The following TSHZ2 variants were observed in gnomAD, a reference collection of about 807,000 sequenced individuals.
TSHZ2 encodes the protein teashirt homolog 2.
Under a neutral mutation model 74.4 loss-of-function variants are expected in TSHZ2, and 21 were observed. The observed-to-expected ratio is 0.28, with a 90% confidence interval of 0.20 to 0.41. The LOEUF is 0.41. Among genes scored for constraint, TSHZ2 ranks in the 10% least tolerant of loss-of-function variants. The pLI is 1.00. For missense variants in TSHZ2, 1,244 were observed against 1,293.5 expected, an observed-to-expected ratio of 0.96 and a Z score of 0.59; for synonymous variants, 540 against 515.3, an observed-to-expected ratio of 1.05 and a Z score of -0.65.
chr20:53,379,259 G>A (rs1277777435), intron 2 of TSHZ2, among the ~76,000 whole-genome samples: 1 of 152,208 alleles, frequency 6.6e-6, no homozygotes, highest in East Asian at 1.9e-4. Context: ...TCACGCGCCT[G>A]TAGTCCTAGC....
chr20:53,096,287 G>A (rs755921051), intron 1 of TSHZ2, among the ~76,000 whole-genome samples: 5 of 152,042 alleles, frequency 3.3e-5, no homozygotes, highest in African/African-American at 7.2e-5. Flanking sequence ...GACTACAGGC[G>A]TGCACCACCA....
At chr20:53,334,607 A>G (rs756534159) in intron 2 of TSHZ2, among the ~76,000 whole-genome samples, 7 of 152,190 alleles carry the variant, frequency 4.6e-5, no homozygotes, top group Admixed American at 6.5e-5. Context: ...GGGGCCTTGT[A>G]GAGATAGTAT....
At chr20:53,290,122 C>T (rs1439142145) in intron 2 of TSHZ2, among the ~76,000 whole-genome samples, 1 of 152,086 alleles carries the variant, frequency 6.6e-6, no homozygotes, top group Admixed American at 6.5e-5. Context: ...TGGCGTTCCA[C>T]CTTCCTATGT....
intron 1 of TSHZ2, among the ~76,000 whole-genome samples, chr20:53,101,899 T>C (rs2123294681): frequency 6.6e-6 from 1 of 152,294 alleles, no homozygotes. Context: ...TTTGAAGTTA[T>C]CACATTTTAT....
At chr20:53,389,032 G>A (rs1211391832) in intron 2 of TSHZ2, among the ~76,000 whole-genome samples, 2 of 152,160 alleles carry the variant, frequency 1.3e-5, no homozygotes, top group Admixed American at 6.5e-5. Flanking sequence ...AGATTACAGA[G>A]GTTCAATATT....
chr20:53,333,751 C>T (rs545949427), intron 2 of TSHZ2, among the ~76,000 whole-genome samples: 9 of 152,300 alleles, frequency 5.9e-5, no homozygotes, highest in East Asian at 3.9e-4. Flanking sequence ...CCACTGCGCC[C>T]GGCCTGCCAA....
intron 1 of TSHZ2, among the ~76,000 whole-genome samples, chr20:53,107,565 C>G (rs778529040): frequency 6.6e-6 from 1 of 152,184 alleles, no homozygotes; most frequent in African/African-American, 2.4e-5. Context: ...GAGCCAAAAT[C>G]AGGACATGGT....
chr20:53,102,941 A>G (rs1986260814), intron 1 of TSHZ2, among the ~76,000 whole-genome samples: 1 of 151,996 alleles, frequency 6.6e-6, no homozygotes, highest in African/African-American at 2.4e-5. Context: ...ACATATGTAT[A>G]CATGTGCCAT....
chr20:53,224,740 C>T (rs970338154), intron 1 of TSHZ2, among the ~76,000 whole-genome samples: 2 of 151,622 alleles, frequency 1.3e-5, no homozygotes, highest in Non-Finnish European at 2.9e-5. Context: ...ATCCCAGCTA[C>T]TCAGGAGGCT....
At chr20:53,148,695 TGAA>T (rs1202585051) in intron 1 of TSHZ2, among the ~76,000 whole-genome samples, 1 of 152,092 alleles carries the variant, frequency 6.6e-6, no homozygotes, top group African/African-American at 2.4e-5. Context: ...ATAAAGAAAA[TGAA>T]GACATCTCCC....
chr20:53,020,236 C>T (rs559852595), intron 1 of TSHZ2, among the ~76,000 whole-genome samples: 1 of 152,310 alleles, frequency 6.6e-6, no homozygotes, highest in East Asian at 1.9e-4. Context: ...CACTTCGTCA[C>T]CATCGGTCCT....
chr20:53,281,482 C>T (rs907709367), intron 2 of TSHZ2, among the ~76,000 whole-genome samples: 3 of 152,166 alleles, frequency 2.0e-5, no homozygotes, highest in African/African-American at 7.2e-5. Flanking sequence ...CATTGTATCA[C>T]AAAAGCAGCC....
chr20:53,023,070 C>T (rs1600650905), intron 1 of TSHZ2, among the ~76,000 whole-genome samples: 2 of 152,206 alleles, frequency 1.3e-5, no homozygotes, highest in African/African-American at 2.4e-5. Context: ...TTCTTATCAC[C>T]TGGGAATGTT....
intron 1 of TSHZ2, among the ~76,000 whole-genome samples, chr20:53,107,664 A>T (rs1164193984): frequency 6.6e-6 from 1 of 152,184 alleles, no homozygotes; most frequent in Non-Finnish European, 1.5e-5. Flanking sequence ...ATTATAGTTC[A>T]TTCCCATGTG....
At chr20:53,149,899 A>G (rs1296201520) in intron 1 of TSHZ2, among the ~76,000 whole-genome samples, 1 of 152,214 alleles carries the variant, frequency 6.6e-6, no homozygotes, top group African/African-American at 2.4e-5. Flanking sequence ...TCCTCTTGGC[A>G]TGAAGTCCGT....
At chr20:52,990,495 C>T (rs1981941038) in intron 1 of TSHZ2, among the ~76,000 whole-genome samples, 2 of 152,108 alleles carry the variant, frequency 1.3e-5, no homozygotes, top group Admixed American at 1.3e-4. Context: ...AAAAGAAAAG[C>T]ATGAACAACA....
intron 1 of TSHZ2, among the ~76,000 whole-genome samples, chr20:53,095,905 A>G (rs1986027419): frequency 6.6e-6 from 1 of 152,164 alleles, no homozygotes; most frequent in African/African-American, 2.4e-5. Flanking sequence ...AAATAATACT[A>G]AAGGGGGAAA....
At chr20:53,268,417 C>A (rs956148035) in intron 2 of TSHZ2, among the ~76,000 whole-genome samples, 2 of 152,036 alleles carry the variant, frequency 1.3e-5, no homozygotes, top group African/African-American at 4.8e-5. Context: ...CGAGACATGG[C>A]AATACGAGGG....
chr20:53,046,487 C>T (rs549409569), intron 1 of TSHZ2, among the ~76,000 whole-genome samples: 7 of 152,204 alleles, frequency 4.6e-5, no homozygotes, highest in African/African-American at 1.4e-4. Context: ...GATATTATCA[C>T]CCTAAGCTAA....
Sources: gnomAD v4.1 joint callset for allele counts (sites outside exome capture counted in the v4.1 genomes callset) on GRCh38, gnomAD v4.1.1 for gene constraint, MANE v1.5 for transcripts, NCBI Gene and HGNC (gene_info 2026-07-23, HGNC 2026-07-21) for gene names.